The following CMTM8 variants were observed in gnomAD, a reference collection of about 807,000 sequenced individuals.
CMTM8 encodes CKLF-like MARVEL transmembrane domain-containing protein 8.
In CMTM8, 12 loss-of-function variants were observed where a neutral mutation model predicts 18.6. That is an observed-to-expected ratio of 0.65 (90% confidence interval 0.41 to 1.05). The LOEUF (loss-of-function observed/expected upper bound fraction) is 1.05. Among genes scored for constraint, CMTM8 ranks in the 50% least tolerant of loss-of-function variants. The pLI, the probability that CMTM8 is intolerant of heterozygous loss-of-function variation, is 0.00. For synonymous variants in CMTM8, 87 were observed against 90.6 expected (o/e 0.96, Z 0.23); for missense variants, 217 against 227.2 (o/e 0.95, Z 0.29).
rs1476409675 is a variant in CMTM8 at position 32,259,741 on chromosome 3, C to G, written c.147+20622C>G. On this transcript the variant is annotated intron_variant, in intron 1 of 3. Coordinates refer to ENST00000307526, the MANE Select transcript of CMTM8 (RefSeq NM_178868.5). Reference sequence around the variant, plus strand: ...CTCGGAAGAACTGAGAGGAGCTGGACAAGTACTGGTCTCAGCAGATTGAGG... The same window carrying G: ...CTCGGAAGAACTGAGAGGAGCTGGAGAAGTACTGGTCTCAGCAGATTGAGG... 5.2e-6 allele frequency: 5 copies of G among 970,828 alleles called. No individual in the cohort carries two copies. In the East Asian group the frequency reaches 1.2e-4, roughly 23 times the overall value. 60.1% of individuals were successfully genotyped at this position (970,828 alleles called of 1,614,324 possible).
At chr3:32,369,844 T>C (rs879058618) in intron 3 of CMTM8, 40 bp from the exon 4 acceptor site, 1 of 1,329,294 alleles carries the variant, frequency 7.5e-7, no homozygotes, top group East Asian at 2.3e-5. Flanking sequence ...AATTAGGATG[T>C]GCCCTAAACC....
At chr3:32,324,008 A>G (rs1365977342) in intron 1 of CMTM8, among the ~76,000 whole-genome samples, 1 of 152,226 alleles carries the variant, frequency 6.6e-6, no homozygotes, top group African/African-American at 2.4e-5. Context: ...TGGGTGGAAG[A>G]AGGAGTAAAT....
intron 1 of CMTM8, among the ~76,000 whole-genome samples, chr3:32,298,880 TAC>T (rs1476177759): frequency 2.1e-5 from 3 of 143,034 alleles, no homozygotes; most frequent in African/African-American, 7.7e-5. Context: ...TACACACACA[TAC>T]ATATATATAC....
intron 1 of CMTM8, among the ~76,000 whole-genome samples, chr3:32,271,337 C>T (rs1050289849): frequency 6.6e-6 from 1 of 152,242 alleles, no homozygotes; most frequent in South Asian, 2.1e-4. Context: ...GTTGGTCAGG[C>T]TGGTCTCATC....
chr3:32,341,809 G>GGAGGTTGCAGTGAGCC, intron 1 of CMTM8, among the ~76,000 whole-genome samples: 1 of 152,192 alleles, frequency 6.6e-6, no homozygotes, highest in South Asian at 2.1e-4. Context: ...CCCAGGGGTC[G>GGAGGTTGCAGTGAGCC]GAGGTTGCAG....
intron 1 of CMTM8, among the ~76,000 whole-genome samples, chr3:32,269,726 G>A (rs1330854592): frequency 6.6e-6 from 1 of 152,158 alleles, no homozygotes; most frequent in African/African-American, 2.4e-5. Context: ...TTCCTTCTTT[G>A]TTTCACTAAA....
Position 32,366,174 on chromosome 3 carries a change from C to T in CMTM8, c.322-1698C>T, listed in dbSNP as rs541679910. ...AGGCTTGTAATAAACTGGCAGAGCC[C>T]CCAGTGTGGGGGGCGCACAGAGGGA... On this transcript the variant is annotated intron_variant, in intron 2 of 3. Transcript: ENST00000307526. Among the ~76,000 whole-genome samples the T allele has an allele frequency of 4.6e-5, 7 of 152,274 alleles. No individual in the cohort carries two copies. The East Asian group carries it at 1.4e-3, about 29-fold the overall frequency.
At chr3:32,294,646 A>G (rs1702843167) in intron 1 of CMTM8, among the ~76,000 whole-genome samples, 1 of 152,224 alleles carries the variant, frequency 6.6e-6, no homozygotes, top group Non-Finnish European at 1.5e-5. Context: ...GCGGCAGCAG[A>G]TAGGCATTTA....
In CMTM8 at chr3:32,239,009, A is replaced by G; in HGVS notation, c.37A>G (p.Thr13Ala). The G allele has an allele frequency of 6.4e-7, 1 of 1,560,510 alleles. No individual in the cohort carries two copies. Among genetic ancestry groups the G allele is most frequent in the Non-Finnish European group, 8.7e-7 (1 of 1,153,056 alleles). The change falls in exon 1 of 4, where the codon ACC becomes GCC. Residue 13 changes from threonine to alanine, a missense_variant. Coordinates refer to ENST00000307526, the MANE Select transcript of CMTM8 (RefSeq NM_178868.5). ...EPQRARSHTVTTTASSFAENF... is the reference protein window; with the variant it reads ...EPQRARSHTVATTASSFAENF... Reference sequence around the variant, plus strand: ...GCAGCGCGCCCGCTCGCACACAGTCACCACCACCGCCAGCTCCTTCGCAGA... The same window carrying G: ...GCAGCGCGCCCGCTCGCACACAGTCGCCACCACCGCCAGCTCCTTCGCAGA...
intron 1 of CMTM8, among the ~76,000 whole-genome samples, chr3:32,242,858 C>A (rs1701961175): frequency 6.8e-6 from 1 of 147,228 alleles, no homozygotes; most frequent in Non-Finnish European, 1.5e-5. Context: ...AAACAAAATA[C>A]AATTTTTTTT....
intron 1 of CMTM8, among the ~76,000 whole-genome samples, chr3:32,298,717 C>T (rs1172955661): frequency 1.3e-5 from 2 of 150,496 alleles, no homozygotes; most frequent in East Asian, 1.9e-4. Flanking sequence ...CTCACTGCAG[C>T]CTTCTCCTGA....
At chr3:32,258,055 G>C (rs907049201) in intron 1 of CMTM8, among the ~76,000 whole-genome samples, 8 of 151,956 alleles carry the variant, frequency 5.3e-5, no homozygotes, top group Non-Finnish European at 1.2e-4. Context: ...GGAGGGAGGG[G>C]GGCTTTAAAT....
At chr3:32,355,891 G>A (rs546802772) in intron 1 of CMTM8, among the ~76,000 whole-genome samples, 22 of 152,294 alleles carry the variant, frequency 1.4e-4, no homozygotes, top group African/African-American at 5.3e-4. Flanking sequence ...TCTCGCTAGT[G>A]CTTTCAGCCT....
intron 1 of CMTM8, among the ~76,000 whole-genome samples, chr3:32,330,356 T>C (rs937747231): frequency 6.6e-6 from 1 of 151,984 alleles, no homozygotes; most frequent in East Asian, 1.9e-4. Flanking sequence ...CTGGGCATAG[T>C]GGCATGCTAC....
chr3:32,341,634 T>C (rs553802121), intron 1 of CMTM8, among the ~76,000 whole-genome samples: 1 of 152,136 alleles, frequency 6.6e-6, no homozygotes, highest in East Asian at 1.9e-4. Context: ...CCCAGCACTT[T>C]GGGAGGCCGA....
intron 1 of CMTM8, among the ~76,000 whole-genome samples, chr3:32,298,958 T>A (rs201975182): frequency 0.095 from 13,408 of 140,718 alleles, 957 homozygotes; most frequent in East Asian, 0.41. Context: ...TATATATATT[T>A]TTTTTTTTTT....
chr3:32,262,938 A>G (rs940998181), intron 1 of CMTM8, among the ~76,000 whole-genome samples: 4 of 152,218 alleles, frequency 2.6e-5, no homozygotes, highest in African/African-American at 9.7e-5. Flanking sequence ...GGTTAGGATT[A>G]GGATCATACT....
intron 1 of CMTM8, among the ~76,000 whole-genome samples, chr3:32,337,146 C>T (rs944711411): frequency 1.3e-5 from 2 of 152,200 alleles, no homozygotes; most frequent in South Asian, 2.1e-4. Context: ...GCAGAGCCCT[C>T]ATGATCCAAT....
chr3:32,351,046 G>A (rs548752262), intron 1 of CMTM8, among the ~76,000 whole-genome samples: 20 of 152,302 alleles, frequency 1.3e-4, no homozygotes, highest in African/African-American at 3.8e-4. Context: ...TTTGGAGGGA[G>A]CAAAATTAGG....
Sources: gnomAD v4.1 joint callset for allele counts (sites outside exome capture counted in the v4.1 genomes callset) on GRCh38, gnomAD v4.1.1 for gene constraint, MANE v1.5 for transcripts, NCBI Gene and HGNC (gene_info 2026-07-23, HGNC 2026-07-21) for gene names.